Variants in STIM2 observed in about 807,000 individuals in gnomAD.
The protein encoded by STIM2 is stromal interaction molecule 2.
In STIM2, 31 loss-of-function variants were observed where a neutral mutation model predicts 85.8. The ratio of observed to expected loss-of-function variants is 0.36; its 90% CI spans 0.27 to 0.49. The LOEUF is 0.49. Ranked by LOEUF, STIM2 falls within the 20% of genes least tolerant of loss-of-function variation. STIM2 has a pLI of 0.98. For synonymous variants in STIM2, 356 were observed against 331.1 expected, an observed-to-expected ratio of 1.08 and a Z score of -0.82; for missense variants, 841 against 927.6, an observed-to-expected ratio of 0.91 and a Z score of 1.21.
chr4:26,943,729 CT>C (rs1262581139), intron 2 of STIM2, among the ~76,000 whole-genome samples: 2 of 151,710 alleles, frequency 1.3e-5, no homozygotes, highest in Non-Finnish European at 2.9e-5. Context: ...TTTGTTGTTA[CT>C]TTTTTTTCAA....
intron 1 of STIM2, among the ~76,000 whole-genome samples, chr4:26,885,839 A>ATATATATATG (rs1553844998): frequency 4.3e-5 from 1 of 23,198 alleles, no homozygotes; most frequent in Non-Finnish European, 8.5e-5. Flanking sequence ...ATATATATAT[A>ATATATATATG]TATATATATA....
chr4:26,873,829 C>T, intron 1 of STIM2: 1 of 946,626 alleles, frequency 1.1e-6, no homozygotes, highest in Non-Finnish European at 1.7e-6. Flanking sequence ...CCCGCCTCAA[C>T]CGCCGTAGTG....
chr4:27,004,409 C>CTA (rs1403002244), intron 7 of STIM2, among the ~76,000 whole-genome samples: 1 of 152,114 alleles, frequency 6.6e-6, no homozygotes, highest in Non-Finnish European at 1.5e-5. Flanking sequence ...GAAGTGGGTA[C>CTA]TATGCCCTTT....
At chr4:26,874,816 T>TGTGCTAGA (rs1436538203) in intron 1 of STIM2, among the ~76,000 whole-genome samples, 1 of 152,196 alleles carries the variant, frequency 6.6e-6, no homozygotes, top group Non-Finnish European at 1.5e-5. Context: ...ATGTCTGCTG[T>TGTGCTAGA]GTGCTAGACA....
chr4:26,898,026 C>A (rs950848694), intron 1 of STIM2, among the ~76,000 whole-genome samples: 2 of 152,186 alleles, frequency 1.3e-5, no homozygotes, highest in African/African-American at 4.8e-5. Context: ...CTTGGCTTCC[C>A]AAAGTGCTGG....
chr4:26,970,059 TA>T (rs1240169885), intron 3 of STIM2, among the ~76,000 whole-genome samples: 1 of 150,710 alleles, frequency 6.6e-6, no homozygotes, highest in Non-Finnish European at 1.5e-5. Context: ...TTTTCCAAAA[TA>T]AAAAAAATGA....
chr4:26,982,182 A>G (rs1425588303), intron 3 of STIM2, among the ~76,000 whole-genome samples: 1 of 152,194 alleles, frequency 6.6e-6, no homozygotes, highest in African/African-American at 2.4e-5. Flanking sequence ...GTATATCAAC[A>G]TCTTGTCCGT....
At chr4:26,987,617 T>C (rs1465821218) in intron 3 of STIM2, among the ~76,000 whole-genome samples, 2 of 152,170 alleles carry the variant, frequency 1.3e-5, no homozygotes, top group Non-Finnish European at 2.9e-5. Context: ...CTGTTTGAAA[T>C]GTTGCCTTTC....
chr4:26,883,906 A>G (rs1723113369), intron 1 of STIM2, among the ~76,000 whole-genome samples: 1 of 152,206 alleles, frequency 6.6e-6, no homozygotes, highest in South Asian at 2.1e-4. Flanking sequence ...ATAGCCATGA[A>G]ATTGATCCTC....
chr4:27,018,353 C>T (rs963293669), intron 11 of STIM2, among the ~76,000 whole-genome samples: 4 of 152,168 alleles, frequency 2.6e-5, no homozygotes, highest in African/African-American at 9.7e-5. Flanking sequence ...GGCGGCTGCT[C>T]TCAGGTCCTG....
chr4:26,881,460 C>T (rs566389482), intron 1 of STIM2: 2 of 122,126 alleles, frequency 1.6e-5, no homozygotes, highest in South Asian at 3.0e-4. Context: ...AGTGAGACTC[C>T]ATCTCAAAAA....
chr4:26,910,956 G>A (rs1299985313), intron 1 of STIM2, among the ~76,000 whole-genome samples: 1 of 152,208 alleles, frequency 6.6e-6, no homozygotes, highest in East Asian at 1.9e-4. Context: ...AGCATTTGAG[G>A]TCGGGTGCAG....
intron 1 of STIM2, among the ~76,000 whole-genome samples, chr4:26,895,319 T>A (rs1450241891): frequency 6.6e-6 from 1 of 152,206 alleles, no homozygotes; most frequent in African/African-American, 2.4e-5. Flanking sequence ...GTCTTGCAGC[T>A]TGTTGTATTT....
At chr4:26,887,386 G>T (rs1723297404) in intron 1 of STIM2, among the ~76,000 whole-genome samples, 1 of 151,964 alleles carries the variant, frequency 6.6e-6, no homozygotes, top group Non-Finnish European at 1.5e-5. Context: ...CAAGGAAGTG[G>T]ACAAAGCCTA....
At chr4:26,897,622 T>C (rs1723759971) in intron 1 of STIM2, among the ~76,000 whole-genome samples, 2 of 152,232 alleles carry the variant, frequency 1.3e-5, no homozygotes, top group South Asian at 2.1e-4. Context: ...ACATTTCACT[T>C]GTAAATACCT....
At chr4:26,885,818 AG>A (rs1723196028) in intron 1 of STIM2, among the ~76,000 whole-genome samples, 1 of 68,420 alleles carries the variant, frequency 1.5e-5, no homozygotes, top group South Asian at 5.9e-4. Context: ...TTAGCACCTC[AG>A]GTTATATATA....
intron 3 of STIM2, among the ~76,000 whole-genome samples, chr4:26,986,647 C>T (rs1038876623): frequency 1.3e-5 from 2 of 152,188 alleles, no homozygotes; most frequent in Non-Finnish European, 2.9e-5. Flanking sequence ...ATACCACTGT[C>T]GACCACACAA....
At chr4:26,957,489 C>T in intron 2 of STIM2, 123 bp from the exon 3 acceptor site, 2 of 502,550 alleles carry the variant, frequency 4.0e-6, no homozygotes, top group South Asian at 3.4e-5. Context: ...ACTACAATAC[C>T]AAAAATTTGC....
chr4:26,893,499 T>A (rs1270402759), intron 1 of STIM2, among the ~76,000 whole-genome samples: 8 of 152,254 alleles, frequency 5.3e-5, no homozygotes, highest in Non-Finnish European at 1.2e-4. Flanking sequence ...GCTGCATTCA[T>A]TCATTTTTAT....
Sources: allele counts gnomAD v4.1 joint callset (sites outside exome capture counted in the v4.1 genomes callset), GRCh38; gene constraint gnomAD v4.1.1; transcripts MANE v1.5; gene names NCBI Gene and HGNC (gene_info 2026-07-23, HGNC 2026-07-21).